The following WNK4 variants were observed in gnomAD, a reference collection of about 807,000 sequenced individuals.
The protein encoded by WNK4 is WNK lysine deficient protein kinase 4.
WNK4 carries 94 observed loss-of-function variants against 116.2 expected under a neutral mutation model. That is an observed-to-expected ratio of 0.81 (90% confidence interval 0.68 to 0.96). The LOEUF (loss-of-function observed/expected upper bound fraction) is 0.96. Among genes scored for constraint, WNK4 ranks in the 40% least tolerant of loss-of-function variants. The pLI is 0.00. For synonymous variants in WNK4, 655 were observed against 672.7 expected (o/e 0.97, Z 0.41); for missense variants, 1,542 against 1,650.6 (o/e 0.93, Z 1.14).
intron 6 of WNK4, among the ~76,000 whole-genome samples, chr17:42,786,634 C>T (rs1050040973): frequency 4.6e-5 from 7 of 152,152 alleles, no homozygotes; most frequent in Admixed American, 3.9e-4. Flanking sequence ...CTCAAGTGAC[C>T]CACTAGTCTT....
chr17:42,783,064 C>T lies in WNK4; in HGVS notation c.791+134C>T, dbSNP rs2054502914. The T allele has an allele frequency of 8.1e-6, 10 of 1,241,396 alleles. No individual in the cohort carries two copies. In the South Asian group the frequency reaches 1.2e-4, roughly 15 times the overall value. 76.9% of individuals were successfully genotyped at this position (1,241,396 alleles called of 1,614,324 possible). A position where few individuals can be genotyped will look rare whatever the true frequency, so the allele number is the denominator to read the frequency against. ...GTTCACCATCTCCCTCTCACCCAAC[C>T]TTTGTCCCTGCCTCGGTGAGTGGCA... is the stretch of plus-strand genomic sequence containing the variant. On this transcript the variant is annotated intron_variant, in intron 2 of 18. Coordinates refer to ENST00000246914, the MANE Select transcript of WNK4 (RefSeq NM_032387.5).
At position 42,796,303 on chromosome 17, in the gene WNK4, C is replaced by T. The variant is rs1259629400; in HGVS notation, c.3612C>T (p.Arg1204=). 2 of 1,612,712 alleles carry T rather than the reference C, an allele frequency of 1.2e-6. No homozygotes were observed. Among genetic ancestry groups the T allele is most frequent in the Middle Eastern group, 1.7e-4 (1 of 6,054 alleles). The change falls in exon 17 of 19, where the codon CGC becomes CGT. Residue 1204 remains arginine (R), a synonymous_variant. Transcript: ENST00000246914. ...FPTSRRNSLQ[R]SEPPGPGIMR... Reference sequence around the variant, plus strand: ...CCTCCCGCCGCAACAGCCTACAGCGCTCTGAGCCCCCAGGCCCTGGTGAGA... The same window carrying T: ...CCTCCCGCCGCAACAGCCTACAGCGTTCTGAGCCCCCAGGCCCTGGTGAGA...
rs780950207 is a variant in WNK4 at position 42,796,253 on chromosome 17, C to T, written c.3562C>T (p.Arg1188Cys). Residue 1188 changes from arginine to cysteine, a missense_variant, in exon 17 of 19, where the codon CGC (arginine) becomes TGC (cysteine). By Grantham distance (180) the Arg-to-Cys change is radical. This residue lies in a region of WNK4 where 148 missense variants were observed against 157.2 expected (regional missense o/e 0.94). Transcript: ENST00000246914. ...PAAMLSSRQR[R>C]LSKGSFPTSR... ...TGCTATGCTGTCCAGCCGCCAGCGC[C>T]GCCTCTCCAAGGGCAGCTTCCCCAC... 39 of 1,611,844 alleles carry T rather than the reference C, an allele frequency of 2.4e-5. No individual in the cohort carries two copies. The highest frequency in any genetic ancestry group is 3.2e-5 in the Non-Finnish European group (38 of 1,179,356).
At chr17:42,783,526 T>C (rs2054507087) in intron 2 of WNK4, 1 of 302,614 alleles carries the variant, frequency 3.3e-6, no homozygotes, top group African/African-American at 2.2e-5. Context: ...GTCACTGGCT[T>C]TTTCTGTGCC....
rs1460420358 is a variant in WNK4 at position 42,796,880 on chromosome 17, T to C, written c.*192T>C. 7 of 1,103,930 alleles carry C rather than the reference T, an allele frequency of 6.3e-6. No individual in the cohort carries two copies. The Admixed American group carries it at 7.2e-5, about 11-fold the overall frequency. The allele number at this position is 1,103,930 out of a possible 1,614,324, so 68.4% of individuals were successfully genotyped here. Reference sequence around the variant, plus strand: ...AGCCAAACATATGTGAACTGTTTGCTGTGTGGAGGTGTTAGTTCTGCTGCC... The same window carrying C: ...AGCCAAACATATGTGAACTGTTTGCCGTGTGGAGGTGTTAGTTCTGCTGCC... On this transcript the variant is annotated 3_prime_UTR_variant, in exon 19 of 19. Transcript: ENST00000246914.
In WNK4 at chr17:42,780,943, A is replaced by G. The variant is rs777941971; in HGVS notation, c.245A>G (p.Asp82Gly). The G allele has an allele frequency of 6.2e-7, 1 of 1,608,470 alleles. No homozygotes were observed. Among genetic ancestry groups the G allele is most frequent in the South Asian group, 1.1e-5 (1 of 90,984 alleles). ...SWSLPASPAP[D>G]PPDPPDSAGP... ...TCCCTGCCAGCCTCACCCGCTCCGG[A>G]CCCCCCCGATCCTCCGGACTCCGCT... is the stretch of plus-strand genomic sequence containing the variant. The change falls in exon 1 of 19, where the codon GAC becomes GGC. Residue 82 changes from aspartate to glycine, a missense_variant. Physicochemically the swap from Asp to Gly is moderately conservative, Grantham distance 94 (BLOSUM62 -1). This residue lies in a region of WNK4 where 243 missense variants were observed against 217.8 expected (regional missense o/e 1.12). Coordinates refer to ENST00000246914, the MANE Select transcript of WNK4 (RefSeq NM_032387.5).
At chr17:42,795,416 A>C (rs781228701) in intron 14 of WNK4, 34 bp downstream of exon 14, 4 of 1,612,702 alleles carry the variant, frequency 2.5e-6, no homozygotes, top group Non-Finnish European at 3.4e-6. Flanking sequence ...GATTAGGGAG[A>C]CTCCACTCTG....
chr17:42,787,349 C>A lies in WNK4; in HGVS notation c.1548C>A (p.Ala516=). Residue 516 remains alanine (A), a synonymous_variant, in exon 7 of 19, where the codon GCC becomes GCA. Coordinates refer to ENST00000246914, the MANE Select transcript of WNK4 (RefSeq NM_032387.5). The part of the protein sequence containing the change: ...VARAVRERVA[A]IQRKREKLRK... ...GTGCAGTACGTGAACGGGTTGCTGC[C>A]ATCCAGCGAAAGCGTGAGAAGCTGC... 1 of 1,614,154 alleles carries A rather than the reference C, an allele frequency of 6.2e-7. No homozygotes were observed. Among genetic ancestry groups the A allele is most frequent in the Non-Finnish European group, 8.5e-7 (1 of 1,180,026 alleles).
chr17:42,795,522 G>A lies in WNK4; in HGVS notation c.3022+1G>A, dbSNP rs778930018. 1 of 1,614,216 alleles carries A rather than the reference G, an allele frequency of 6.2e-7. No homozygotes were observed. The highest frequency in any genetic ancestry group is 8.5e-7 in the Non-Finnish European group (1 of 1,180,044). ...GCCAGGCTGGCGCCCATCTCTGAAG[G>A]TAAGGCCTCTGACCACTGACCTTCC... On this transcript the variant is annotated splice_donor_variant, in intron 15 of 18. Coordinates refer to ENST00000246914, the MANE Select transcript of WNK4 (RefSeq NM_032387.5). LOFTEE classifies it high-confidence loss of function.
At position 42,783,000 on chromosome 17, in the gene WNK4, A is replaced by G. The variant is rs1370201125; in HGVS notation, c.791+70A>G. ...TGTGCCCACTGCTTCCTGAACTCCC[A>G]GGCTCCTCAAACTCTCTAATATCCA... On this transcript the variant is annotated intron_variant, in intron 2 of 18. Coordinates refer to ENST00000246914, the MANE Select transcript of WNK4 (RefSeq NM_032387.5). The surrounding 1 kb of genome is among the most constrained non-coding windows in gnomAD (Gnocchi z 4.2). 1.3e-6 allele frequency: 2 copies of G among 1,568,360 alleles called. No homozygotes were observed. The highest frequency in any genetic ancestry group is 1.8e-5 in the Admixed American group (1 of 54,246).
At position 42,794,945 on chromosome 17, in the gene WNK4, C is replaced by T; in HGVS notation, c.2524C>T (p.Pro842Ser). The change falls in exon 14 of 19, where the codon CCA (proline) becomes TCA (serine). Residue 842 changes from proline to serine, a missense_variant. Pro to Ser is a moderately conservative substitution (Grantham distance 74). This residue lies in a region of WNK4 where 808 missense variants were observed against 873.6 expected (regional missense o/e 0.92). Coordinates refer to ENST00000246914, the MANE Select transcript of WNK4 (RefSeq NM_032387.5). ...TSPPCHPSPSPFSPISSQVSS... is the reference protein window; with the variant it reads ...TSPPCHPSPSSFSPISSQVSS... ...TCCCCCATGTCATCCCAGCCCCTCC[C>T]CATTCTCCCCCATTTCTTCCCAGGT... The T allele has an allele frequency of 6.2e-7, 1 of 1,612,370 alleles. No homozygotes were observed. The highest frequency in any genetic ancestry group is 8.5e-7 in the Non-Finnish European group (1 of 1,179,336).
Position 42,788,802 on chromosome 17 carries a change from G to A in WNK4, c.2157+5G>A, listed in dbSNP as rs758747838. The A allele has an allele frequency of 2.5e-6, 4 of 1,609,484 alleles. No individual in the cohort carries two copies. In the East Asian group the frequency reaches 8.9e-5, roughly 36 times the overall value. On this transcript the variant is annotated splice_donor_5th_base_variant and intron_variant, in intron 11 of 18. Coordinates refer to ENST00000246914, the MANE Select transcript of WNK4 (RefSeq NM_032387.5). ...GAAGAGATTGCAGCTGCCATGGTGA[G>A]GGGGAGAGAGATGAGGACAGAGTGT... is the stretch of plus-strand genomic sequence containing the variant.
intron 11 of WNK4, among the ~76,000 whole-genome samples, chr17:42,792,622 G>T (rs2054617714): frequency 6.6e-6 from 1 of 152,126 alleles, no homozygotes; most frequent in African/African-American, 2.4e-5. Context: ...GGGCTGCCTT[G>T]CAGTAAGTTT....
chr17:42,794,144 G>A (rs776215610), intron 12 of WNK4: 31 of 321,900 alleles, frequency 9.6e-5, no homozygotes, highest in Non-Finnish European at 1.5e-4. Flanking sequence ...GTGAGCCACC[G>A]TGCCTGGCCT....
At position 42,796,971 on chromosome 17, in the gene WNK4, G is replaced by C; in HGVS notation, c.*283G>C. 1 of 583,314 alleles carries C rather than the reference G, an allele frequency of 1.7e-6. No homozygotes were observed. Among genetic ancestry groups the C allele is most frequent in the South Asian group, 2.0e-5 (1 of 49,552 alleles). The allele number at this position is 583,314 out of a possible 1,614,324, so 36.1% of individuals were successfully genotyped here. A position where few individuals can be genotyped will look rare whatever the true frequency, so the allele number is the denominator to read the frequency against. ...CCACTAAGCAATCCCACCCAAGCCT[G>C]GATGCTTCTAGAGGGGCCCACTCCC... On this transcript the variant is annotated 3_prime_UTR_variant, in exon 19 of 19. Coordinates refer to ENST00000246914, the MANE Select transcript of WNK4 (RefSeq NM_032387.5).
intron 11 of WNK4, among the ~76,000 whole-genome samples, chr17:42,789,283 T>G (rs1568030611): frequency 6.6e-6 from 1 of 152,032 alleles, no homozygotes; most frequent in East Asian, 1.9e-4. Context: ...TCACTGGAAG[T>G]AAAGATTCCT....
chr17:42,783,038 G>A, intron 2 of WNK4, 108 bp downstream of exon 2: 1 of 1,432,992 alleles, frequency 7.0e-7, no homozygotes, highest in Non-Finnish European at 9.5e-7. Context: ...TGTAAAACCA[G>A]GTTCACCATC....
rs767171910 is a variant in WNK4, at chr17:42,782,870, T to C, written c.731T>C (p.Leu244Pro). 3.1e-6 allele frequency: 5 copies of C among 1,614,218 alleles called. No homozygotes were observed. The Admixed American group carries it at 5.0e-5, about 16-fold the overall frequency. ...VRFYDSWKSV[L>P]RGQVCIVLVT... ...TTCTATGATTCGTGGAAGTCGGTGC[T>C]GAGGGGCCAGGTTTGCATCGTGCTG... The change falls in exon 2 of 19, where the codon CTG becomes CCG. Residue 244 changes from leucine to proline, a missense_variant. Coordinates refer to ENST00000246914, the MANE Select transcript of WNK4 (RefSeq NM_032387.5). This position sits in a 1 kb window ranked among gnomAD's most constrained non-coding sequence, Gnocchi z 4.2.
At chr17:42,787,636 G>T in intron 7 of WNK4, 94 bp downstream of exon 7, 1 of 1,594,652 alleles carries the variant, frequency 6.3e-7, no homozygotes. Flanking sequence ...CACTTACCCT[G>T]CCTTCCACCT....
Sources: gnomAD v4.1 joint callset for allele counts (sites outside exome capture counted in the v4.1 genomes callset) on GRCh38, gnomAD v4.1.1 for gene constraint, gnomAD v4.1.1 regional missense constraint, Gnocchi (gnomAD v3.1) non-coding constraint, MANE v1.5 for transcripts, NCBI Gene and HGNC (gene_info 2026-07-23, HGNC 2026-07-21) for gene names.